IGFL2: variants seen among roughly 807,000 people sequenced by gnomAD.
IGFL2 encodes IGF like family member 2, also known as insulin growth factor-like family member 2.
A neutral mutation model predicts 13.9 loss-of-function variants in IGFL2; 7 were observed. The observed-to-expected ratio is 0.51, with a 90% CI of 0.29 to 0.95. IGFL2 has a LOEUF of 0.95. IGFL2 is among the 40% of genes least tolerant of loss of function. IGFL2 has a pLI of 0.08. For synonymous variants in IGFL2, 55 were observed against 55.8 expected (o/e 0.99, Z 0.07); for missense variants, 138 against 147.8 (o/e 0.93, Z 0.34).
At chr19:46,155,109 T>A (rs189648334) in intron 1 of IGFL2, among the ~76,000 whole-genome samples, 14 of 152,320 alleles carry the variant, frequency 9.2e-5, no homozygotes, top group Admixed American at 3.9e-4. Context: ...TCAGGCAGGA[T>A]CAGTGAAGCC....
chr19:46,153,833 A>AT (rs1172760718), intron 1 of IGFL2, among the ~76,000 whole-genome samples: 79 of 145,962 alleles, frequency 5.4e-4, no homozygotes, highest in African/African-American at 1.9e-3. Context: ...ATATATATAT[A>AT]TATATATTTT....
chr19:46,089,795 A>T, the IGFL2 span, among the ~76,000 whole-genome samples: 1 of 151,250 alleles, frequency 6.6e-6, no homozygotes, highest in Admixed American at 6.6e-5. Flanking sequence ...TTTGTCTTTG[A>T]TTTTTGGCAG....
chr19:46,136,646 C>T, the IGFL2 span: 2 of 415,720 alleles, frequency 4.8e-6, no homozygotes, highest in Admixed American at 5.8e-5. Flanking sequence ...ATCCCATGTG[C>T]AGATATTAAT....
At chr19:46,202,276 G>A in the IGFL2 span, among the ~76,000 whole-genome samples, 1 of 152,190 alleles carries the variant, frequency 6.6e-6, no homozygotes, top group Non-Finnish European at 1.5e-5. Flanking sequence ...TCTAGATCTT[G>A]TAGGATGGGG....
At chr19:46,157,947 G>A (rs1402786762) in intron 1 of IGFL2, among the ~76,000 whole-genome samples, 1 of 152,142 alleles carries the variant, frequency 6.6e-6, no homozygotes, top group Non-Finnish European at 1.5e-5. Flanking sequence ...GTTTCAGAAT[G>A]CAAGATCAAC....
the IGFL2 span, among the ~76,000 whole-genome samples, chr19:46,178,812 T>C: frequency 6.6e-6 from 1 of 151,970 alleles, no homozygotes; most frequent in African/African-American, 2.4e-5. Flanking sequence ...CGTGTATTGA[T>C]TTATGTCTTT....
chr19:46,104,892 C>T, the IGFL2 span, among the ~76,000 whole-genome samples: 1 of 152,288 alleles, frequency 6.6e-6, no homozygotes, highest in East Asian at 1.9e-4. Flanking sequence ...AGATATGTTC[C>T]TTGGTCCAAG....
At chr19:46,133,077 C>G in the IGFL2 span, among the ~76,000 whole-genome samples, 34 of 152,232 alleles carry the variant, frequency 2.2e-4, no homozygotes, top group South Asian at 7.1e-3. Flanking sequence ...TGGAGAAAGA[C>G]TCAACCAGCT....
chr19:46,195,255 G>A, the IGFL2 span: 4 of 152,494 alleles, frequency 2.6e-5, no homozygotes, highest in Admixed American at 1.3e-4. Flanking sequence ...GACCTCAAGC[G>A]ATCCTCTCAC....
At chr19:46,133,617 G>A in the IGFL2 span, among the ~76,000 whole-genome samples, 31 of 152,264 alleles carry the variant, frequency 2.0e-4, no homozygotes, top group African/African-American at 7.0e-4. Flanking sequence ...AGGCTAAAAT[G>A]CGGTAGCTAA....
the IGFL2 span, among the ~76,000 whole-genome samples, chr19:46,125,499 C>T: frequency 2.6e-5 from 4 of 152,142 alleles, no homozygotes; most frequent in African/African-American, 7.2e-5. Context: ...CAAATAATCC[C>T]GAAGCTGTGG....
the IGFL2 span, among the ~76,000 whole-genome samples, chr19:46,192,248 T>C: frequency 1.3e-5 from 2 of 152,216 alleles, no homozygotes; most frequent in Non-Finnish European, 2.9e-5. Context: ...ATGAAGCCAC[T>C]CTGTGTTTCA....
At chr19:46,145,656 AAT>A (rs528844322), upstream of IGFL2, among the ~76,000 whole-genome samples, 1 of 145,496 alleles carries the variant, frequency 6.9e-6, no homozygotes, top group Non-Finnish European at 1.5e-5. Context: ...TTATTTATTT[AAT>A]ATATATATTT....
the IGFL2 span, among the ~76,000 whole-genome samples, chr19:46,096,434 G>A: frequency 6.6e-6 from 1 of 152,048 alleles, no homozygotes; most frequent in Non-Finnish European, 1.5e-5. Context: ...AGACAATGGG[G>A]TTTTCTAGTT....
chr19:46,167,393 G>A, the IGFL2 span, among the ~76,000 whole-genome samples: 135 of 152,274 alleles, frequency 8.9e-4, 2 homozygotes, highest in Middle Eastern at 0.017. Context: ...GCCTGGCTCC[G>A]TGGTGGCAGG....
At chr19:46,175,545 C>T in the IGFL2 span, among the ~76,000 whole-genome samples, 1 of 151,530 alleles carries the variant, frequency 6.6e-6, no homozygotes, top group African/African-American at 2.4e-5. Context: ...ATACTTTGTG[C>T]AATTTTTTTT....
At chr19:46,124,151 G>T in the IGFL2 span, 1 of 1,610,302 alleles carries the variant, frequency 6.2e-7, no homozygotes, top group South Asian at 1.1e-5. Context: ...GAGCCAACAG[G>T]AGCGTCTGGG....
At chr19:46,133,473 G>A in the IGFL2 span, among the ~76,000 whole-genome samples, 1 of 152,192 alleles carries the variant, frequency 6.6e-6, no homozygotes, top group Non-Finnish European at 1.5e-5. Flanking sequence ...GGCAAAGGCA[G>A]AGGAGAACAA....
At chr19:46,176,521 A>C in the IGFL2 span, among the ~76,000 whole-genome samples, 2 of 152,176 alleles carry the variant, frequency 1.3e-5, no homozygotes, top group Non-Finnish European at 2.9e-5. Flanking sequence ...CACTAAGGCC[A>C]CAGGCCTGAC....
Sources: allele counts gnomAD v4.1 joint callset (sites outside exome capture counted in the v4.1 genomes callset), GRCh38; gene constraint gnomAD v4.1.1; transcripts MANE v1.5; gene names NCBI Gene and HGNC (gene_info 2026-07-23, HGNC 2026-07-21).